The following PBLD variants were observed in gnomAD, a reference collection of about 807,000 sequenced individuals.
PBLD encodes phenazine biosynthesis-like domain-containing protein.
A neutral mutation model predicts 31.3 loss-of-function variants in PBLD; 26 were observed. The observed-to-expected ratio is 0.83, with a 90% CI of 0.61 to 1.15. The LOEUF (loss-of-function observed/expected upper bound fraction) is 1.15. Ranked by LOEUF, PBLD falls within the 50% of genes most tolerant of loss-of-function variation. The pLI is 0.00. For missense variants in PBLD, 307 were observed against 351.7 expected (o/e 0.87, Z 1.02); for synonymous variants, 114 against 129.0 (o/e 0.88, Z 0.79).
chr10:68,308,045 T>C (rs2134481351), intron 1 of PBLD, among the ~76,000 whole-genome samples: 1 of 152,294 alleles, frequency 6.6e-6, no homozygotes, highest in East Asian at 1.9e-4. Context: ...ATTGGCCCTC[T>C]GTATTCACAG....
chr10:68,288,157 C>A (rs1369659759), intron 8 of PBLD: 9 of 297,446 alleles, frequency 3.0e-5, no homozygotes, highest in Non-Finnish European at 5.0e-5. Context: ...GCTTTTATAG[C>A]CCTATGAGGT....
chr10:68,294,479 C>T (rs1157923497), intron 4 of PBLD, among the ~76,000 whole-genome samples: 2 of 152,222 alleles, frequency 1.3e-5, no homozygotes, highest in African/African-American at 4.8e-5. Context: ...TGGCCAACAG[C>T]TCTCAACTGA....
chr10:68,330,783 C>A (rs1356374459), intron 1 of PBLD, among the ~76,000 whole-genome samples: 1 of 149,368 alleles, frequency 6.7e-6, no homozygotes, highest in Non-Finnish European at 1.5e-5. Flanking sequence ...AGGGTTTCAC[C>A]GTGTTAGCCA....
Position 68,306,061 on chromosome 10 carries a change from AGGTCAATATTCCTTGACCTTGAG to A in PBLD, c.84+677_84+699del, listed in dbSNP as rs533231995. ...TTCTCACTACTTAGGGACCAACACA[AGGTCAATATTCCTTGACCTTGAG>A]GGTCAATATTTAAATATTAACTATT... On this transcript the variant is annotated intron_variant, in intron 2 of 9. Coordinates refer to ENST00000358769, the MANE Select transcript of PBLD (RefSeq NM_022129.4). Among the ~76,000 whole-genome samples, 1,024 of 152,254 alleles carry A rather than the reference AGGTCAATATTCCTTGACCTTGAG, an allele frequency of 6.7e-3. 15 individuals are homozygous for A. The highest frequency in any genetic ancestry group is 0.023 in the African/African-American group (950 of 41,534).
At chr10:68,292,274 C>A in intron 4 of PBLD, 36 bp from the exon 5 acceptor site, 2 of 1,548,594 alleles carry the variant, frequency 1.3e-6, no homozygotes, top group African/African-American at 1.4e-5. Context: ...AGGAAATAAA[C>A]TTTGTCATAT....
Position 68,296,309 on chromosome 10 carries a change from G to A in PBLD, c.240C>T (p.Gly80=), listed in dbSNP as rs762447603. ...CAGCTGCAGAAGCCAGGGTGGCATG[G>A]CCACAGAGTGGGACCTCACTCGCTG... ...FTPASEVPLC[G]HATLASAAVL... The change falls in exon 4 of 10, where the codon GGC becomes GGT. Residue 80 remains glycine, a synonymous_variant. Transcript: ENST00000358769. 2.2e-5 allele frequency: 35 copies of A among 1,613,982 alleles called. No homozygotes were observed. Among genetic ancestry groups the A allele is most frequent in the Non-Finnish European group, 3.0e-5 (35 of 1,179,980 alleles).
chr10:68,322,758 G>T (rs1226906057), intron 1 of PBLD, among the ~76,000 whole-genome samples: 13 of 151,530 alleles, frequency 8.6e-5, no homozygotes, highest in Admixed American at 7.2e-4. Flanking sequence ...GTTTTGTTTT[G>T]TTTTTTGTTT....
chr10:68,320,688 AT>A (rs1049529201), intron 1 of PBLD, among the ~76,000 whole-genome samples: 9 of 149,906 alleles, frequency 6.0e-5, no homozygotes, highest in Non-Finnish European at 1.2e-4. Flanking sequence ...TTTTATTTTA[AT>A]TTTTTTTTAA....
Position 68,288,562 on chromosome 10 carries a change from A to G in PBLD, c.612T>C (p.Pro204=). The change falls in exon 8 of 10, where the codon CCT becomes CCC. Residue 204 remains proline (P), a synonymous_variant. Transcript: ENST00000358769. ...AGTCAAATGCTTGGGTCTGCCCACC[A>G]GGCTCTCCTTTAAGGGTAAGAATAA... The part of the protein sequence containing the change: ...KGLILTLKGE[P]GGQTQAFDFY... 6.2e-7 allele frequency: 1 copy of G among 1,614,230 alleles called. No individual in the cohort carries two copies. The highest frequency in any genetic ancestry group is 8.5e-7 in the Non-Finnish European group (1 of 1,180,042).
In PBLD at chr10:68,283,392, C is replaced by T. The variant is rs2044251373; in HGVS notation, c.*785G>A. Reference sequence around the variant, plus strand: ...GTTTTCAGTTTGCTATTTTTAATGGCCCATGCTTATTTATATAGACATAGC... The same window carrying T: ...GTTTTCAGTTTGCTATTTTTAATGGTCCATGCTTATTTATATAGACATAGC... On this transcript the variant is annotated 3_prime_UTR_variant, in exon 10 of 10. Transcript: ENST00000358769. The T allele has an allele frequency of 6.6e-6, 1 of 152,122 alleles. No homozygotes were observed. Among genetic ancestry groups the T allele is most frequent in the Non-Finnish European group, 1.5e-5 (1 of 68,030 alleles). The allele number at this position is 152,122 out of a possible 1,614,324, so 9.4% of individuals were successfully genotyped here. A position where few individuals can be genotyped will look rare whatever the true frequency, so the allele number is the denominator to read the frequency against.
In PBLD at chr10:68,321,967, T is replaced by C. The variant is rs1019727043; in HGVS notation, c.-60+10817A>G. ...TAATCTCCTTTCCAGGAGATGGAGC[T>C]TAACTTCCCCAGGACCCTGAGTATG... On this transcript the variant is annotated intron_variant, in intron 1 of 9. Transcript: ENST00000358769. 4.6e-5 allele frequency among the ~76,000 whole-genome samples: 7 copies of C among 152,340 alleles called. No homozygotes were observed. The East Asian group carries it at 1.3e-3, about 29-fold the overall frequency.
chr10:68,326,049 G>A (rs904595543), intron 1 of PBLD, among the ~76,000 whole-genome samples: 19 of 151,864 alleles, frequency 1.3e-4, no homozygotes, highest in African/African-American at 4.4e-4. Flanking sequence ...ATTATAGAAT[G>A]TACTTGATTT....
intron 2 of PBLD, among the ~76,000 whole-genome samples, chr10:68,302,692 T>A (rs1158996718): frequency 6.6e-6 from 1 of 151,892 alleles, no homozygotes; most frequent in Admixed American, 6.6e-5. Flanking sequence ...AAAATAAAAA[T>A]TAGCTGAGCG....
At chr10:68,303,532 C>T (rs971076639) in intron 2 of PBLD, among the ~76,000 whole-genome samples, 3 of 151,648 alleles carry the variant, frequency 2.0e-5, no homozygotes, top group Non-Finnish European at 2.9e-5. Flanking sequence ...TGGTGACTCA[C>T]ACCTGTAATC....
chr10:68,296,001 T>A (rs1308434278), intron 4 of PBLD: 1 of 279,284 alleles, frequency 3.6e-6, no homozygotes, highest in African/African-American at 2.2e-5. Flanking sequence ...TCAAATTCTT[T>A]GTAGACCAGA....
At chr10:68,307,997 G>A (rs976915347) in intron 1 of PBLD, among the ~76,000 whole-genome samples, 4 of 152,100 alleles carry the variant, frequency 2.6e-5, no homozygotes, top group African/African-American at 9.7e-5. Flanking sequence ...TGTTCTGGAT[G>A]TACAGCTTTT....
intron 1 of PBLD, among the ~76,000 whole-genome samples, chr10:68,328,734 T>C (rs1186576028): frequency 2.0e-5 from 3 of 152,110 alleles, no homozygotes; most frequent in South Asian, 4.1e-4. Context: ...ACTGGAGCAG[T>C]GGTGAGCCAG....
chr10:68,310,365 G>GTATATATATA lies in PBLD; in HGVS notation c.-59-3472_-59-3463dup, dbSNP rs34887418. On this transcript the variant is annotated intron_variant, in intron 1 of 9. Coordinates refer to ENST00000358769, the MANE Select transcript of PBLD (RefSeq NM_022129.4). ...ATCATGTACAATATAATGTTTTGAA[G>GTATATATATA]TATATATATATATATATATACACAT... is the stretch of plus-strand genomic sequence containing the variant. Among the ~76,000 whole-genome samples the GTATATATATA allele has an allele frequency of 1.6e-3, 224 of 140,350 alleles. 4 individuals are homozygous for GTATATATATA. Among genetic ancestry groups the GTATATATATA allele is most frequent in the African/African-American group, 3.9e-3 (148 of 38,078 alleles). The allele number at this position is 140,350 out of a possible 152,430, so 92.1% of individuals were successfully genotyped here.
chr10:68,326,787 G>A (rs2044927928), intron 1 of PBLD, among the ~76,000 whole-genome samples: 1 of 152,148 alleles, frequency 6.6e-6, no homozygotes, highest in South Asian at 2.1e-4. Flanking sequence ...AGTGGCTCAC[G>A]CCTGTAATCT....
Sources: allele counts gnomAD v4.1 joint callset (sites outside exome capture counted in the v4.1 genomes callset), GRCh38; gene constraint gnomAD v4.1.1; transcripts MANE v1.5; gene names NCBI Gene and HGNC (gene_info 2026-07-23, HGNC 2026-07-21).